Variants in RBX1 observed in about 807,000 individuals in gnomAD.
RBX1 encodes E3 ubiquitin-protein ligase RBX1.
For synonymous variants in RBX1, 48 were observed against 47.9 expected, an observed-to-expected ratio of 1.00 and a Z score of -0.01; for missense variants, 46 against 141.4, an observed-to-expected ratio of 0.33 and a Z score of 3.42.
chr22:40,959,216 G>A (rs890319334), intron 2 of RBX1, among the ~76,000 whole-genome samples: 4 of 152,078 alleles, frequency 2.6e-5, no homozygotes, highest in Non-Finnish European at 5.9e-5. Context: ...AAGCTTAAAG[G>A]TCCCCAAGCT....
chr22:40,960,026 G>C (rs1478934303), intron 2 of RBX1, among the ~76,000 whole-genome samples: 1 of 152,092 alleles, frequency 6.6e-6, no homozygotes, highest in African/African-American at 2.4e-5. Flanking sequence ...GCTGAGGTGA[G>C]AGAATAGCTG....
intron 3 of RBX1, among the ~76,000 whole-genome samples, chr22:40,965,881 T>C (rs1432084105): frequency 2.0e-5 from 3 of 152,242 alleles, no homozygotes; most frequent in Non-Finnish European, 4.4e-5. Context: ...TTGCCCTTTC[T>C]GGCATACAGA....
At chr22:40,957,416 C>G (rs773589658) in intron 2 of RBX1, among the ~76,000 whole-genome samples, 1 of 151,718 alleles carries the variant, frequency 6.6e-6, no homozygotes, top group African/African-American at 2.4e-5. Flanking sequence ...GTGGCTGAGG[C>G]GGGCAGATCG....
chr22:40,959,213 A>G (rs889076702), intron 2 of RBX1, among the ~76,000 whole-genome samples: 2 of 152,050 alleles, frequency 1.3e-5, no homozygotes, highest in Non-Finnish European at 2.9e-5. Context: ...TCAAAGCTTA[A>G]AGGTCCCCAA....
At chr22:40,953,935 T>C (rs1167532224) in intron 2 of RBX1, among the ~76,000 whole-genome samples, 1 of 152,100 alleles carries the variant, frequency 6.6e-6, no homozygotes, top group Non-Finnish European at 1.5e-5. Context: ...GTACCTAGAC[T>C]CAAAGGTAGA....
At chr22:40,970,052 T>TAA (rs1450920102) in intron 4 of RBX1, among the ~76,000 whole-genome samples, 12 of 114,852 alleles carry the variant, frequency 1.0e-4, no homozygotes, top group African/African-American at 2.9e-4. Flanking sequence ...TAGACCCAAT[T>TAA]TAAAAAAAAA....
At chr22:40,960,457 G>A (rs958370551) in intron 2 of RBX1, among the ~76,000 whole-genome samples, 3 of 152,114 alleles carry the variant, frequency 2.0e-5, no homozygotes, top group Admixed American at 6.6e-5. Context: ...TGGCAGGGAC[G>A]AAGGAAAGGA....
chr22:40,968,011 C>T, intron 4 of RBX1, 127 bp downstream of exon 4: 1 of 596,762 alleles, frequency 1.7e-6, no homozygotes, highest in Non-Finnish European at 3.0e-6. Flanking sequence ...GTTACTTAAG[C>T]TAGGACTTAT....
chr22:40,971,916 C>T (rs2058370201), intron 4 of RBX1, among the ~76,000 whole-genome samples: 1 of 152,098 alleles, frequency 6.6e-6, no homozygotes, highest in Non-Finnish European at 1.5e-5. Context: ...AAACAGAAAC[C>T]TCCAAAATCC....
At chr22:40,959,894 A>T (rs2058335309) in intron 2 of RBX1, among the ~76,000 whole-genome samples, 1 of 152,176 alleles carries the variant, frequency 6.6e-6, no homozygotes, top group East Asian at 1.9e-4. Flanking sequence ...AGGCAGGCAG[A>T]TCACTTGAGG....
rs543936814 is a variant in RBX1 at position 40,969,874 on chromosome 22, G to A, written c.314+1990G>A. ...ACTGCACTCCAGTCTAAATGACAGA[G>A]TGAGACCCTATCTCAAAAAAAAAAA... On this transcript the variant is annotated intron_variant, in intron 4 of 4. Transcript: ENST00000216225. Among the ~76,000 whole-genome samples the A allele has an allele frequency of 4.0e-5, 6 of 150,540 alleles. No individual in the cohort carries two copies. The East Asian group carries it at 1.2e-3, about 30-fold the overall frequency.
At chr22:40,955,272 T>G (rs1466164522) in intron 2 of RBX1, among the ~76,000 whole-genome samples, 1 of 151,504 alleles carries the variant, frequency 6.6e-6, no homozygotes, top group Non-Finnish European at 1.5e-5. Context: ...TTTTTTTTTT[T>G]TTTGTTTTTT....
At chr22:40,953,712 C>A in intron 2 of RBX1, 79 bp downstream of exon 2, 1 of 983,362 alleles carries the variant, frequency 1.0e-6, no homozygotes, top group Non-Finnish European at 1.6e-6. Flanking sequence ...TGATTTTCTT[C>A]TTCACACGAG....
intron 1 of RBX1, 59 bp downstream of exon 1, chr22:40,951,535 G>A: frequency 6.5e-7 from 1 of 1,542,648 alleles, no homozygotes; most frequent in East Asian, 2.3e-5. Context: ...CTGGCTGGCA[G>A]GCCCGAGGAT....
At chr22:40,963,894 A>G (rs2058347376) in intron 2 of RBX1, among the ~76,000 whole-genome samples, 153 bp from the exon 3 acceptor site, 1 of 152,226 alleles carries the variant, frequency 6.6e-6, no homozygotes, top group Non-Finnish European at 1.5e-5. Flanking sequence ...GTCAGAAAGC[A>G]TACTGTTATC....
chr22:40,964,247 T>TA (rs1439154854), intron 3 of RBX1, 130 bp downstream of exon 3: 1 of 644,518 alleles, frequency 1.6e-6, no homozygotes, highest in Admixed American at 2.9e-5. Context: ...ATACAAATAG[T>TA]AAAAAAGATT....
chr22:40,952,793 G>A (rs1201155600), intron 1 of RBX1, among the ~76,000 whole-genome samples: 1 of 152,094 alleles, frequency 6.6e-6, no homozygotes, highest in Non-Finnish European at 1.5e-5. Flanking sequence ...GTACTGACAC[G>A]GGTATTTAAT....
intron 1 of RBX1, among the ~76,000 whole-genome samples, chr22:40,952,046 T>C (rs1179109257): frequency 6.6e-6 from 1 of 152,094 alleles, no homozygotes; most frequent in Non-Finnish European, 1.5e-5. Flanking sequence ...TGGAGTGTAA[T>C]GCTTGGCTCT....
chr22:40,954,340 G>T (rs1398805964), intron 2 of RBX1, among the ~76,000 whole-genome samples: 2 of 151,520 alleles, frequency 1.3e-5, no homozygotes, highest in South Asian at 2.1e-4. Context: ...AAGCGTTAAG[G>T]AGTGAGGATT....
Sources: allele counts gnomAD v4.1 joint callset (sites outside exome capture counted in the v4.1 genomes callset), GRCh38; gene constraint gnomAD v4.1.1; transcripts MANE v1.5; gene names NCBI Gene and HGNC (gene_info 2026-07-23, HGNC 2026-07-21).